Variants in RAB37 observed in about 807,000 individuals in gnomAD.
RAB37 encodes RAB37, member RAS oncogene family, also known as ras-related protein Rab-37.
In RAB37, 29 loss-of-function variants were observed where a neutral mutation model predicts 33.1. That is an observed-to-expected ratio of 0.88 (90% CI 0.65 to 1.20). The LOEUF is 1.20. Among genes scored for constraint, RAB37 ranks in the 50% most tolerant of loss-of-function variants. RAB37 has a pLI of 0.00. For missense variants in RAB37, 299 were observed against 301.1 expected, an observed-to-expected ratio of 0.99 and a Z score of 0.05; for synonymous variants, 128 against 119.5, an observed-to-expected ratio of 1.07 and a Z score of -0.47.
At chr17:74,739,780 C>G (rs2034564733) in intron 1 of RAB37, among the ~76,000 whole-genome samples, 1 of 151,992 alleles carries the variant, frequency 6.6e-6, no homozygotes, top group Non-Finnish European at 1.5e-5. Flanking sequence ...ATCCGTCCAC[C>G]TTGGGCACCC....
chr17:74,742,727 G>A lies in RAB37; in HGVS notation c.247-402G>A, dbSNP rs1351434941. 1.3e-5 allele frequency among the ~76,000 whole-genome samples: 2 copies of A among 151,842 alleles called. No individual in the cohort carries two copies. Among genetic ancestry groups the A allele is most frequent in the Non-Finnish European group, 2.9e-5 (2 of 67,972 alleles). ...TGCAACCTCTGCCTCCCAGGTTTAA[G>A]AGATTCTCCTGCCTCAGCCTCCTGA... On this transcript the variant is annotated intron_variant, in intron 3 of 8. Transcript: ENST00000392613. This position sits in a 1 kb window ranked among gnomAD's most constrained non-coding sequence, Gnocchi z 4.0.
chr17:74,745,908 C>T lies in RAB37; in HGVS notation c.*497C>T, dbSNP rs1394315328. On this transcript the variant is annotated 3_prime_UTR_variant, in exon 9 of 9. Transcript: ENST00000392613. The surrounding 1 kb of genome is among the most constrained non-coding windows in gnomAD (Gnocchi z 4.5). ...CCAGGAGCTTATCTTCGCCCCATCT[C>T]CCAAATAAGTGGGCCCTTGTGCTGT... 1 of 155,854 alleles carries T rather than the reference C, an allele frequency of 6.4e-6. No individual in the cohort carries two copies. The highest frequency in any genetic ancestry group is 1.4e-5 in the Non-Finnish European group (1 of 70,338). 9.7% of individuals were successfully genotyped at this position (155,854 alleles called of 1,614,324 possible). A position where few individuals can be genotyped will look rare whatever the true frequency, so the allele number is the denominator to read the frequency against.
At chr17:74,708,712 C>A (rs112334255) in intron 1 of RAB37, among the ~76,000 whole-genome samples, 1 of 152,060 alleles carries the variant, frequency 6.6e-6, no homozygotes. Context: ...GTGAGGAGAT[C>A]GAGACCATCC....
At chr17:74,682,836 G>A (rs1190932381) in intron 1 of RAB37, among the ~76,000 whole-genome samples, 8 of 152,144 alleles carry the variant, frequency 5.3e-5, no homozygotes, top group South Asian at 2.1e-4. Context: ...CCCGGGAGGC[G>A]GAGGTTGCGG....
chr17:74,673,535 C>A (rs557325060), intron 1 of RAB37, among the ~76,000 whole-genome samples: 55 of 151,204 alleles, frequency 3.6e-4, no homozygotes, highest in Middle Eastern at 3.4e-3. Flanking sequence ...GGTATAAATA[C>A]TCATTTTGAA....
intron 1 of RAB37, among the ~76,000 whole-genome samples, chr17:74,707,794 A>G (rs912157483): frequency 1.3e-5 from 2 of 152,200 alleles, no homozygotes; most frequent in South Asian, 4.1e-4. Flanking sequence ...CATGAATAAG[A>G]TAAAAGGATA....
At chr17:74,710,189 A>G (rs1405078325) in intron 1 of RAB37, among the ~76,000 whole-genome samples, 1 of 151,002 alleles carries the variant, frequency 6.6e-6, no homozygotes, top group Non-Finnish European at 1.5e-5. Flanking sequence ...CGTAGCCAGG[A>G]TGGTCTCGAT....
At position 74,746,769 on chromosome 17, in the gene RAB37, C is replaced by T. The variant is rs1390476554; in HGVS notation, c.*1358C>T. 1 of 152,242 alleles carries T rather than the reference C, an allele frequency of 6.6e-6. No individual in the cohort carries two copies. The highest frequency in any genetic ancestry group is 1.5e-5 in the Non-Finnish European group (1 of 68,054). 9.4% of individuals were successfully genotyped at this position (152,242 alleles called of 1,614,324 possible). A position where few individuals can be genotyped will look rare whatever the true frequency, so the allele number is the denominator to read the frequency against. On this transcript the variant is annotated 3_prime_UTR_variant, in exon 9 of 9. Transcript: ENST00000392613. The surrounding 1 kb of genome is among the most constrained non-coding windows in gnomAD (Gnocchi z 5.2). ...CAAGCTCTGCCTCCTCCCTGACCAC[C>T]CATGCCCTTTCCTTTAACTTCTCAA...
At chr17:74,723,092 C>T (rs1011589547) in intron 1 of RAB37, among the ~76,000 whole-genome samples, 4 of 152,210 alleles carry the variant, frequency 2.6e-5, no homozygotes, top group Admixed American at 6.5e-5. Context: ...AAAAGCTTTG[C>T]GTCTTCCGCA....
Position 74,744,933 on chromosome 17 carries a change from A to AGTGATTGTCTGTGGGACAGGGTG in RAB37, c.489+5_489+27dup. 6.2e-7 allele frequency: 1 copy of AGTGATTGTCTGTGGGACAGGGTG among 1,614,282 alleles called. No individual in the cohort carries two copies. Among genetic ancestry groups the AGTGATTGTCTGTGGGACAGGGTG allele is most frequent in the Non-Finnish European group, 8.5e-7 (1 of 1,180,044 alleles). On this transcript the variant is annotated splice_donor_region_variant and intron_variant, in intron 7 of 8. Coordinates refer to ENST00000392613, the MANE Select transcript of RAB37 (RefSeq NM_001006638.3). This position sits in a 1 kb window ranked among gnomAD's most constrained non-coding sequence, Gnocchi z 4.2. Reference sequence around the variant, plus strand: ...AGACGGAGAGACCTTGGCCAGGGTAAGTGATTGTCTGTGGGACAGGGTGAA... The same window carrying AGTGATTGTCTGTGGGACAGGGTG: ...AGACGGAGAGACCTTGGCCAGGGTAAGTGATTGTCTGTGGGACAGGGTGGTGATTGTCTGTGGGACAGGGTGAA...
chr17:74,698,360 T>G, intron 1 of RAB37: 1 of 1,597,834 alleles, frequency 6.3e-7, no homozygotes, highest in South Asian at 1.1e-5. Flanking sequence ...CTCACCCAGG[T>G]CCTCTCACCT....
At chr17:74,702,801 C>T (rs548079927) in intron 1 of RAB37, among the ~76,000 whole-genome samples, 1 of 152,136 alleles carries the variant, frequency 6.6e-6, no homozygotes, top group Non-Finnish European at 1.5e-5. Flanking sequence ...AAAAGTGGGG[C>T]GAACGAATGA....
intron 1 of RAB37, among the ~76,000 whole-genome samples, chr17:74,719,368 C>A (rs1183929703): frequency 6.6e-6 from 1 of 151,980 alleles, no homozygotes; most frequent in Non-Finnish European, 1.5e-5. Flanking sequence ...GAGGATCACC[C>A]GAGCCCAGAG....
At position 74,671,511 on chromosome 17, in the gene RAB37, C is replaced by G. The variant is rs1046051810; in HGVS notation, c.-76C>G. ...TCAGACCCAAGCCTGCCGCACCCAGCGGAGCTCGAACCGAGCTCCTGGAAG... is the reference window on the plus strand; with the variant it reads ...TCAGACCCAAGCCTGCCGCACCCAGGGGAGCTCGAACCGAGCTCCTGGAAG... On this transcript the variant is annotated 5_prime_UTR_variant, in exon 1 of 8. Coordinates refer to the RAB37 transcript ENST00000340415. This position sits in a 1 kb window ranked among gnomAD's most constrained non-coding sequence, Gnocchi z 5.0. 2 of 1,397,334 alleles carry G rather than the reference C, an allele frequency of 1.4e-6. No homozygotes were observed. The highest frequency in any genetic ancestry group is 2.8e-5 in the African/African-American group (2 of 70,748). The allele number at this position is 1,397,334 out of a possible 1,614,324, so 86.6% of individuals were successfully genotyped here.
At chr17:74,726,121 G>C (rs1169712524) in intron 1 of RAB37, among the ~76,000 whole-genome samples, 1 of 151,710 alleles carries the variant, frequency 6.6e-6, no homozygotes, top group African/African-American at 2.4e-5. Flanking sequence ...TGTAGTCCCA[G>C]CTACTTGGGA....
At chr17:74,703,312 G>A (rs2033231237) in intron 1 of RAB37, among the ~76,000 whole-genome samples, 1 of 152,150 alleles carries the variant, frequency 6.6e-6, no homozygotes, top group Admixed American at 6.5e-5. Context: ...AGACTCCAGA[G>A]CCTCATAGGC....
At chr17:74,713,449 A>G (rs865924130) in intron 1 of RAB37, among the ~76,000 whole-genome samples, 44 of 152,254 alleles carry the variant, frequency 2.9e-4, no homozygotes, top group African/African-American at 1.0e-3. Context: ...TTCTCTAAAA[A>G]GAGAACTTCG....
Position 74,671,321 on chromosome 17 carries a change from G to A in RAB37, c.-266G>A. ...AAGAGGCAGGGATTGGAGCGGACAG[G>A]ATCTCAGAACTCTGGTCCCGGGCGC... On this transcript the variant is annotated 5_prime_UTR_variant, in exon 1 of 8. Coordinates refer to the RAB37 transcript ENST00000340415. This position sits in a 1 kb window ranked among gnomAD's most constrained non-coding sequence, Gnocchi z 5.0. 2 of 505,066 alleles carry A rather than the reference G, an allele frequency of 4.0e-6. No individual in the cohort carries two copies. The highest frequency in any genetic ancestry group is 7.1e-6 in the Non-Finnish European group (2 of 280,070). The allele number at this position is 505,066 out of a possible 1,614,324, so 31.3% of individuals were successfully genotyped here. A position where few individuals can be genotyped will look rare whatever the true frequency, so the allele number is the denominator to read the frequency against.
intron 1 of RAB37, among the ~76,000 whole-genome samples, chr17:74,686,169 C>T (rs1425117048): frequency 1.3e-5 from 2 of 151,788 alleles, no homozygotes; most frequent in African/African-American, 4.8e-5. Context: ...TTCGGCTTAC[C>T]GTAACCTCTG....
Sources: allele counts gnomAD v4.1 joint callset (sites outside exome capture counted in the v4.1 genomes callset), GRCh38; gene constraint gnomAD v4.1.1; non-coding constraint Gnocchi (gnomAD v3.1); transcripts MANE v1.5; gene names NCBI Gene and HGNC (gene_info 2026-07-23, HGNC 2026-07-21).